Variants in KAZN observed in about 807,000 individuals in gnomAD.
KAZN encodes kazrin.
Under a neutral mutation model 87.4 loss-of-function variants are expected in KAZN, and 40 were observed. The ratio of observed to expected loss-of-function variants is 0.46; its 90% confidence interval spans 0.36 to 0.60. KAZN has a LOEUF of 0.60. Among genes scored for constraint, KAZN ranks in the 20% least tolerant of loss-of-function variants. The pLI is 0.00. For synonymous variants in KAZN, 466 were observed against 458.3 expected, an observed-to-expected ratio of 1.02 and a Z score of -0.22; for missense variants, 898 against 1,073.9, an observed-to-expected ratio of 0.84 and a Z score of 2.29.
At chr1:14,698,047 C>T (rs963464127) in intron 1 of KAZN, among the ~76,000 whole-genome samples, 29 of 152,200 alleles carry the variant, frequency 1.9e-4, no homozygotes, top group Admixed American at 1.0e-3. Flanking sequence ...TGGCCAGGTT[C>T]CTGAGGTTTG....
intron 2 of KAZN, among the ~76,000 whole-genome samples, chr1:14,403,853 G>A (rs1488277562): frequency 6.6e-6 from 1 of 152,136 alleles, no homozygotes; most frequent in African/African-American, 2.4e-5. Flanking sequence ...CTCATACCAA[G>A]GAAATCAAGG....
At chr1:14,924,983 C>G (rs925055628) in intron 1 of KAZN, among the ~76,000 whole-genome samples, 2 of 152,262 alleles carry the variant, frequency 1.3e-5, no homozygotes, top group African/African-American at 2.4e-5. Flanking sequence ...GGGGAGCCCC[C>G]TTCACCGCCG....
chr1:14,623,675 G>C (rs979326474), intron 1 of KAZN, among the ~76,000 whole-genome samples: 1 of 152,170 alleles, frequency 6.6e-6, no homozygotes. Flanking sequence ...TAATATAGGT[G>C]TTTAGTGCCA....
chr1:14,492,999 CTCTGCCTGGACA>C (rs143670923), intron 2 of KAZN, among the ~76,000 whole-genome samples: 99,305 of 151,648 alleles, frequency 0.65, 33,216 homozygotes, highest in African/African-American at 0.75. Flanking sequence ...TGGCTGTTCC[CTCTGCCTGGACA>C]TTCTTCCCTA....
chr1:13,960,426 T>G (rs903406377), intron 1 of KAZN, among the ~76,000 whole-genome samples: 1 of 152,172 alleles, frequency 6.6e-6, no homozygotes, highest in Non-Finnish European at 1.5e-5. Flanking sequence ...TCATGTACGT[T>G]CTAGTAATGC....
intron 1 of KAZN, among the ~76,000 whole-genome samples, chr1:13,986,755 G>A (rs59784119): frequency 0.018 from 2,797 of 152,306 alleles, 48 homozygotes; most frequent in South Asian, 0.067. Context: ...GGAAGGATGG[G>A]TAGAGCCAGT....
Position 15,099,361 on chromosome 1 carries a change from T to C in KAZN, c.1548-2182T>C, listed in dbSNP as rs1303282065. On this transcript the variant is annotated intron_variant, in intron 10 of 14. Transcript: ENST00000376030. The surrounding 1 kb of genome is among the most constrained non-coding windows in gnomAD (Gnocchi z 5.4). ...GTGGGGAAGAGAGAAAATAAATTAG[T>C]GGACAAACCAGCAATTGCTTAGGTT... Among the ~76,000 whole-genome samples the C allele has an allele frequency of 6.6e-6, 1 of 152,142 alleles. No homozygotes were observed. The highest frequency in any genetic ancestry group is 1.9e-4 in the East Asian group (1 of 5,198).
chr1:14,354,670 AC>A (rs1658851166), intron 2 of KAZN, among the ~76,000 whole-genome samples: 1 of 151,808 alleles, frequency 6.6e-6, no homozygotes, highest in African/African-American at 2.4e-5. Flanking sequence ...ACACACACAC[AC>A]ACACACACAC....
chr1:14,515,688 G>A (rs886211391), intron 2 of KAZN, among the ~76,000 whole-genome samples: 1 of 152,086 alleles, frequency 6.6e-6, no homozygotes, highest in Non-Finnish European at 1.5e-5. Flanking sequence ...GACCTTCATT[G>A]CTGTTTTTTC....
chr1:14,712,755 G>A (rs555410996), intron 1 of KAZN, among the ~76,000 whole-genome samples: 5 of 152,264 alleles, frequency 3.3e-5, no homozygotes, highest in East Asian at 1.9e-4. Context: ...GGCAGAAACC[G>A]CTCAGACCTG....
At chr1:14,121,728 G>C (rs1490247830) in intron 1 of KAZN, among the ~76,000 whole-genome samples, 1 of 152,176 alleles carries the variant, frequency 6.6e-6, no homozygotes, top group Admixed American at 6.5e-5. Flanking sequence ...ATGTTAGAAG[G>C]TGTAAGTTCT....
chr1:14,454,525 T>C (rs1203127308), intron 2 of KAZN, among the ~76,000 whole-genome samples: 6 of 152,168 alleles, frequency 3.9e-5, no homozygotes, highest in African/African-American at 1.4e-4. Flanking sequence ...TATAATCACA[T>C]GTGTAATAGC....
In KAZN at chr1:14,436,973, C is replaced by G. The variant is rs372644851; in HGVS notation, c.250-162010C>G. ...CATTTTATTATCACTTTTTAAAAGTCCTGTTTCCCTGCCTGACACTTCAGC... is the reference window on the plus strand; with the variant it reads ...CATTTTATTATCACTTTTTAAAAGTGCTGTTTCCCTGCCTGACACTTCAGC... On this transcript the variant is annotated intron_variant, in intron 2 of 16. Transcript: ENST00000636203. Among the ~76,000 whole-genome samples, 18 of 152,270 alleles carry G rather than the reference C, an allele frequency of 1.2e-4. No individual in the cohort carries two copies. In the East Asian group the frequency reaches 2.9e-3, roughly 24 times the overall value.
intron 1 of KAZN, among the ~76,000 whole-genome samples, chr1:14,624,693 C>T (rs963125329): frequency 7.9e-5 from 12 of 152,204 alleles, no homozygotes; most frequent in African/African-American, 2.9e-4. Flanking sequence ...TTCATTTGTT[C>T]AACAAACATT....
At chr1:14,612,476 G>A (rs1448371721) in intron 1 of KAZN, among the ~76,000 whole-genome samples, 2 of 152,182 alleles carry the variant, frequency 1.3e-5, no homozygotes, top group African/African-American at 4.8e-5. Flanking sequence ...AGATAATGCA[G>A]CAAATAAATC....
chr1:14,988,694 T>G (rs1396804263), intron 2 of KAZN, among the ~76,000 whole-genome samples: 2 of 152,320 alleles, frequency 1.3e-5, no homozygotes, highest in South Asian at 4.1e-4. Flanking sequence ...GGGCTGTCAC[T>G]CCACTGATGC....
intron 2 of KAZN, among the ~76,000 whole-genome samples, chr1:14,215,260 G>A (rs1041822695): frequency 3.3e-5 from 5 of 152,212 alleles, no homozygotes; most frequent in African/African-American, 9.7e-5. Context: ...AGGAATGAGA[G>A]CTGTGTGATT....
intron 2 of KAZN, among the ~76,000 whole-genome samples, chr1:15,006,612 C>G (rs1669029875): frequency 6.6e-6 from 1 of 152,214 alleles, no homozygotes; most frequent in South Asian, 2.1e-4. Flanking sequence ...AGACACTGTC[C>G]TAGGTGCCAG....
chr1:13,912,612 T>TA, intron 1 of KAZN, among the ~76,000 whole-genome samples: 1 of 139,130 alleles, frequency 7.2e-6, no homozygotes, highest in Non-Finnish European at 1.6e-5. Context: ...CTAATGCAAT[T>TA]CTTTTTTTTG....
Sources: gnomAD v4.1 joint callset for allele counts (sites outside exome capture counted in the v4.1 genomes callset) on GRCh38, gnomAD v4.1.1 for gene constraint, Gnocchi (gnomAD v3.1) non-coding constraint, MANE v1.5 for transcripts, NCBI Gene and HGNC (gene_info 2026-07-23, HGNC 2026-07-21) for gene names.